Variants in MIR2052HG observed in about 807,000 individuals in gnomAD.
The protein encoded by MIR2052HG is MIR2052 host gene.
At chr8:74,754,718 C>T (rs1035590918) in intron 5 of MIR2052HG, among the ~76,000 whole-genome samples, 9 of 151,560 alleles carry the variant, frequency 5.9e-5, no homozygotes, top group Non-Finnish European at 1.2e-4. Context: ...GAAAGTTAGA[C>T]GCAAGGGGAA....
intron 4 of MIR2052HG, among the ~76,000 whole-genome samples, chr8:74,751,196 A>G (rs1275413311): frequency 1.3e-5 from 2 of 152,174 alleles, no homozygotes; most frequent in South Asian, 2.1e-4. Context: ...TGAACGTGGT[A>G]ACAGTCTTCT....
chr8:74,680,366 G>GA (rs1270590815), intron 2 of MIR2052HG, among the ~76,000 whole-genome samples: 1 of 150,840 alleles, frequency 6.6e-6, no homozygotes, highest in Non-Finnish European at 1.5e-5. Flanking sequence ...AAATTTACAA[G>GA]AAAAAAACAA....
At chr8:74,693,967 A>G (rs1809269347) in intron 2 of MIR2052HG, among the ~76,000 whole-genome samples, 1 of 151,958 alleles carries the variant, frequency 6.6e-6, no homozygotes, top group South Asian at 2.1e-4. Context: ...TATCCAGGCA[A>G]CCCTAGGGCA....
chr8:74,617,527 T>G (rs1286929182), intron 2 of MIR2052HG, among the ~76,000 whole-genome samples: 1 of 151,924 alleles, frequency 6.6e-6, no homozygotes, highest in Non-Finnish European at 1.5e-5. Flanking sequence ...TATATAAAAA[T>G]GTGGTGTATA....
chr8:74,719,842 C>T (rs150681735), intron 4 of MIR2052HG, among the ~76,000 whole-genome samples: 248 of 92,208 alleles, frequency 2.7e-3, no homozygotes, highest in Middle Eastern at 0.019. Flanking sequence ...TTTTTTTTTT[C>T]TTTTTTCTTT....
At chr8:74,743,752 C>T (rs1470374776) in intron 4 of MIR2052HG, among the ~76,000 whole-genome samples, 2 of 152,168 alleles carry the variant, frequency 1.3e-5, no homozygotes, top group East Asian at 3.8e-4. Flanking sequence ...CCTTACAACC[C>T]AGTCCCACAT....
At chr8:74,617,353 T>G (rs183577553) in intron 2 of MIR2052HG, among the ~76,000 whole-genome samples, 17 of 152,298 alleles carry the variant, frequency 1.1e-4, no homozygotes, top group Admixed American at 9.2e-4. Flanking sequence ...TTTGTTTTTC[T>G]GTTCCTGAGT....
At chr8:74,755,706 T>G (rs1809992805) in intron 5 of MIR2052HG, among the ~76,000 whole-genome samples, 1 of 152,196 alleles carries the variant, frequency 6.6e-6, no homozygotes, top group South Asian at 2.1e-4. Flanking sequence ...GTGGTGCTCA[T>G]AAAACATGGT....
chr8:74,618,898 A>C (rs1316916699), intron 2 of MIR2052HG, among the ~76,000 whole-genome samples: 1 of 152,154 alleles, frequency 6.6e-6, no homozygotes, highest in Non-Finnish European at 1.5e-5. Context: ...AAAATCCCTA[A>C]AGACTTTATA....
intron 2 of MIR2052HG, among the ~76,000 whole-genome samples, chr8:74,629,382 C>T (rs1207647286): frequency 5.3e-5 from 8 of 151,962 alleles, no homozygotes; most frequent in Non-Finnish European, 1.2e-4. Context: ...GAGAGGGGCA[C>T]TTAGCCAGGT....
intron 4 of MIR2052HG, among the ~76,000 whole-genome samples, chr8:74,712,994 G>C (rs1187523722): frequency 6.6e-6 from 1 of 152,296 alleles, no homozygotes; most frequent in Middle Eastern, 3.4e-3. Flanking sequence ...CAAGAGGATA[G>C]AGTGTAGTAT....
At chr8:74,734,596 C>T (rs1373645662) in intron 4 of MIR2052HG, among the ~76,000 whole-genome samples, 1 of 152,232 alleles carries the variant, frequency 6.6e-6, no homozygotes, top group Non-Finnish European at 1.5e-5. Flanking sequence ...TTCTTCCCAA[C>T]TGTAGGTCAA....
chr8:74,697,251 G>C (rs1044845167), intron 2 of MIR2052HG, among the ~76,000 whole-genome samples: 5 of 152,056 alleles, frequency 3.3e-5, no homozygotes, highest in Admixed American at 1.3e-4. Flanking sequence ...AATAGACTCA[G>C]AAAAAGCATT....
At chr8:74,669,845 C>A (rs1053398295) in intron 2 of MIR2052HG, among the ~76,000 whole-genome samples, 19 of 152,294 alleles carry the variant, frequency 1.2e-4, no homozygotes, top group African/African-American at 4.6e-4. Flanking sequence ...CTTCTTTACA[C>A]CACTCGTTAG....
chr8:74,684,659 GT>G (rs1809161002), intron 2 of MIR2052HG, among the ~76,000 whole-genome samples: 1 of 152,038 alleles, frequency 6.6e-6, no homozygotes, highest in Non-Finnish European at 1.5e-5. Flanking sequence ...GACTTTCATT[GT>G]TTTTTGTTGA....
chr8:74,620,142 C>G (rs1277652146), intron 2 of MIR2052HG, among the ~76,000 whole-genome samples: 1 of 152,210 alleles, frequency 6.6e-6, no homozygotes, highest in East Asian at 1.9e-4. Flanking sequence ...CACTTCATGT[C>G]TCACATCTAG....
intron 1 of MIR2052HG, among the ~76,000 whole-genome samples, chr8:74,602,815 G>GCCTTTCTTTCTTTCTTTCTTTCTTTCTT (rs1554570004): frequency 4.4e-5 from 1 of 22,526 alleles, no homozygotes; most frequent in African/African-American, 2.0e-4. Context: ...ATGCCCGGCC[G>GCCTTTCTTTCTTTCTTTCTTTCTTTCTT]TGTTTCTTTC....
chr8:74,663,195 GA>G (rs1471494043), intron 2 of MIR2052HG, among the ~76,000 whole-genome samples: 1 of 152,106 alleles, frequency 6.6e-6, no homozygotes, highest in Non-Finnish European at 1.5e-5. Flanking sequence ...AAAGTGAACA[GA>G]AGATGTAAAT....
chr8:74,608,726 G>A (rs915442530), intron 1 of MIR2052HG, among the ~76,000 whole-genome samples: 5 of 151,964 alleles, frequency 3.3e-5, no homozygotes, highest in African/African-American at 1.2e-4. Flanking sequence ...GTCAAGAAAG[G>A]AATGTAGAAA....
Sources: allele counts gnomAD v4.1 joint callset (sites outside exome capture counted in the v4.1 genomes callset), GRCh38; gene constraint gnomAD v4.1.1; transcripts MANE v1.5; gene names NCBI Gene and HGNC (gene_info 2026-07-23, HGNC 2026-07-21).